KCNIP4: variants seen among roughly 807,000 people sequenced by gnomAD.
KCNIP4 encodes potassium voltage-gated channel interacting protein 4, also known as Kv channel-interacting protein 4.
A neutral mutation model predicts 34.0 loss-of-function variants in KCNIP4; 12 were observed. The ratio of observed to expected loss-of-function variants is 0.35; its 90% CI spans 0.23 to 0.57. The LOEUF (loss-of-function observed/expected upper bound fraction) is 0.57. Ranked by LOEUF, KCNIP4 falls within the 20% of genes least tolerant of loss-of-function variation. KCNIP4 has a pLI of 0.83. For synonymous variants in KCNIP4, 124 were observed against 102.2 expected (o/e 1.21, Z -1.29); for missense variants, 238 against 311.7 (o/e 0.76, Z 1.78).
intron 3 of KCNIP4, among the ~76,000 whole-genome samples, chr4:20,847,736 A>G (rs1281730987): frequency 3.3e-5 from 5 of 152,188 alleles, no homozygotes; most frequent in Admixed American, 6.6e-5. Flanking sequence ...TGGTGGAGTT[A>G]TGCTGGTCAT....
At chr4:21,346,527 G>C (rs1468418893) in intron 1 of KCNIP4, among the ~76,000 whole-genome samples, 2 of 151,346 alleles carry the variant, frequency 1.3e-5, no homozygotes, top group African/African-American at 4.9e-5. Context: ...TTATTTGTAA[G>C]CTGGGCTAAA....
chr4:21,299,990 G>A (rs1255486900), intron 1 of KCNIP4, among the ~76,000 whole-genome samples: 1 of 152,066 alleles, frequency 6.6e-6, no homozygotes, highest in South Asian at 2.1e-4. Flanking sequence ...TAGATTACCA[G>A]TTGATTTCTT....
At chr4:21,687,783 G>A (rs1420993577) in intron 1 of KCNIP4, among the ~76,000 whole-genome samples, 1 of 152,140 alleles carries the variant, frequency 6.6e-6, no homozygotes, top group Non-Finnish European at 1.5e-5. Context: ...AATATGTATG[G>A]GAGGGGTTCT....
chr4:20,935,609 C>A (rs1730982772), intron 1 of KCNIP4, among the ~76,000 whole-genome samples: 1 of 152,184 alleles, frequency 6.6e-6, no homozygotes, highest in South Asian at 2.1e-4. Flanking sequence ...ATAATAGTAT[C>A]ATGTCACCTC....
chr4:21,488,114 T>A (rs558106165), intron 1 of KCNIP4, among the ~76,000 whole-genome samples: 7 of 152,312 alleles, frequency 4.6e-5, no homozygotes, highest in Non-Finnish European at 4.4e-5. Flanking sequence ...CCCATCTATA[T>A]GTATTTACCT....
rs115145465 is a variant in KCNIP4, at chr4:20,979,917, C to A, written c.62-97208G>T. On this transcript the variant is annotated intron_variant, in intron 1 of 8. Coordinates refer to ENST00000382152, the MANE Select transcript of KCNIP4 (RefSeq NM_025221.6). ...TAGACCCATGTGCAACGAGCCATAT[C>A]CAATTCACGGTCCTAATCCATGCAA... Among the ~76,000 whole-genome samples, 573 of 152,290 alleles carry A rather than the reference C, an allele frequency of 3.8e-3. 5 individuals are homozygous for A. Among genetic ancestry groups the A allele is most frequent in the African/African-American group, 0.013 (550 of 41,560 alleles).
In KCNIP4 at chr4:20,734,653, T is replaced by C. The variant is rs757980915; in HGVS notation, c.512A>G (p.Asn171Ser). The C allele has an allele frequency of 6.4e-7, 1 of 1,569,538 alleles. No homozygotes were observed. Among genetic ancestry groups the C allele is most frequent in the Admixed American group, 1.8e-5 (1 of 55,258 alleles). ...CTCTTTAGTGATGTAGCCATCTTTA[T>C]TTATGTCATACAGATTAAATGCCCA... The part of the protein sequence containing the change: ...LNWAFNLYDI[N>S]KDGYITKEEM... The change falls in exon 6 of 9, where the codon AAT (asparagine) becomes AGT (serine). Residue 171 changes from asparagine (N) to serine (S), a missense_variant. Asn to Ser is a conservative substitution (Grantham distance 46, BLOSUM62 1). Coordinates refer to ENST00000382152, the MANE Select transcript of KCNIP4 (RefSeq NM_025221.6).
chr4:21,344,775 A>AT (rs1412456410), intron 1 of KCNIP4, among the ~76,000 whole-genome samples: 1 of 152,156 alleles, frequency 6.6e-6, no homozygotes, highest in Non-Finnish European at 1.5e-5. Context: ...TACTGTTGTT[A>AT]TTTTTAAAGG....
At chr4:21,212,647 G>A (rs1757301509) in intron 1 of KCNIP4, among the ~76,000 whole-genome samples, 1 of 152,104 alleles carries the variant, frequency 6.6e-6, no homozygotes, top group African/African-American at 2.4e-5. Flanking sequence ...ATGGCATCTG[G>A]TGAGGGCCCA....
At chr4:21,329,698 G>C (rs1715429238) in intron 1 of KCNIP4, among the ~76,000 whole-genome samples, 1 of 152,152 alleles carries the variant, frequency 6.6e-6, no homozygotes, top group Non-Finnish European at 1.5e-5. Context: ...ATTAGGTCTT[G>C]AAGAATGAGA....
At chr4:21,062,933 C>T (rs1448485235) in intron 1 of KCNIP4, among the ~76,000 whole-genome samples, 3 of 152,170 alleles carry the variant, frequency 2.0e-5, no homozygotes, top group Non-Finnish European at 4.4e-5. Flanking sequence ...CATCACAAAA[C>T]ATTCTTACAG....
At chr4:20,789,131 G>A (rs1044556932) in intron 3 of KCNIP4, among the ~76,000 whole-genome samples, 1 of 152,000 alleles carries the variant, frequency 6.6e-6, no homozygotes, top group Non-Finnish European at 1.5e-5. Context: ...ATTGCCCAGA[G>A]TGGAAAAAAA....
intron 1 of KCNIP4, among the ~76,000 whole-genome samples, chr4:21,826,512 C>T (rs1218242595): frequency 2.0e-5 from 3 of 151,920 alleles, no homozygotes; most frequent in Non-Finnish European, 4.4e-5. Flanking sequence ...AACTAGTCAA[C>T]AAGGTGTTTT....
At chr4:21,712,468 G>T (rs1465853214) in intron 1 of KCNIP4, among the ~76,000 whole-genome samples, 5 of 152,066 alleles carry the variant, frequency 3.3e-5, no homozygotes, top group Admixed American at 2.6e-4. Flanking sequence ...TTATAATTTT[G>T]CCTTTGGCAA....
At chr4:20,983,799 G>C (rs746761734) in intron 1 of KCNIP4, 3 of 1,535,010 alleles carry the variant, frequency 2.0e-6, no homozygotes, top group African/African-American at 2.7e-5. Context: ...GCACAGACTG[G>C]AGCGACCACT....
rs79123369 is a variant in KCNIP4, at chr4:21,442,508, C to T, written c.61+506063G>A. Among the ~76,000 whole-genome samples, 723 of 152,292 alleles carry T rather than the reference C, an allele frequency of 4.7e-3. 4 individuals carry two copies. The highest frequency in any genetic ancestry group is 0.017 in the African/African-American group (701 of 41,562). On this transcript the variant is annotated intron_variant, in intron 1 of 8. Coordinates refer to ENST00000382152, the MANE Select transcript of KCNIP4 (RefSeq NM_025221.6). The stretch of plus-strand genomic sequence containing the variant: ...TAGGTTGATAATGATTGCTGCATTG[C>T]TAAATACAAGAGATAATGTTAGTCC...
At chr4:20,987,824 C>A (rs1413637452) in intron 1 of KCNIP4, among the ~76,000 whole-genome samples, 1 of 150,986 alleles carries the variant, frequency 6.6e-6, no homozygotes, top group South Asian at 2.1e-4. Context: ...ACGGTGAAAC[C>A]CCGTCTCTAC....
intron 1 of KCNIP4, among the ~76,000 whole-genome samples, chr4:21,798,134 A>G (rs1270519540): frequency 6.6e-6 from 1 of 150,870 alleles, no homozygotes; most frequent in Non-Finnish European, 1.5e-5. Context: ...CAAAAAAAAA[A>G]TACGTACACA....
At chr4:20,814,621 G>C (rs977696872) in intron 3 of KCNIP4, among the ~76,000 whole-genome samples, 1 of 152,028 alleles carries the variant, frequency 6.6e-6, no homozygotes, top group African/African-American at 2.4e-5. Flanking sequence ...GCCCTTTTTC[G>C]TAACTGTTGA....
Sources: gnomAD v4.1 joint callset for allele counts (sites outside exome capture counted in the v4.1 genomes callset) on GRCh38, gnomAD v4.1.1 for gene constraint, MANE v1.5 for transcripts, NCBI Gene and HGNC (gene_info 2026-07-23, HGNC 2026-07-21) for gene names.